Variants in NALCN observed in about 807,000 individuals in gnomAD.
The protein encoded by NALCN is sodium leak channel NALCN.
Under a neutral mutation model 225.3 loss-of-function variants are expected in NALCN, and 111 were observed. The observed-to-expected ratio is 0.49, with a 90% CI of 0.42 to 0.58. The LOEUF is 0.58. Ranked by LOEUF, NALCN falls within the 20% of genes least tolerant of loss-of-function variation. The pLI is 0.00. For missense variants in NALCN, 1,378 were observed against 2,202.4 expected, an observed-to-expected ratio of 0.63 and a Z score of 7.49; for synonymous variants, 764 against 769.0, an observed-to-expected ratio of 0.99 and a Z score of 0.11.
At position 101,087,479 on chromosome 13, in the gene NALCN, T is replaced by C; in HGVS notation, c.3489+2184A>G. Among the ~76,000 whole-genome samples the C allele has an allele frequency of 2.1e-5, 3 of 142,884 alleles. No homozygotes were observed. The South Asian group carries it at 6.6e-4, about 31-fold the overall frequency. The allele number at this position is 142,884 out of a possible 152,430, so 93.7% of individuals were successfully genotyped here. A position where few individuals can be genotyped will look rare whatever the true frequency, so the allele number is the denominator to read the frequency against. ...AGATGGCAGCTCATGAGCTGCTTTC[T>C]AAAAAAAAAAAAAAACTTGCAGAGA... is the stretch of plus-strand genomic sequence containing the variant. On this transcript the variant is annotated intron_variant, in intron 30 of 43. Transcript: ENST00000251127.
chr13:101,337,791 G>A (rs1355975503), intron 7 of NALCN, among the ~76,000 whole-genome samples: 5 of 152,188 alleles, frequency 3.3e-5, no homozygotes, highest in Non-Finnish European at 7.3e-5. Context: ...GTTACTCATG[G>A]CTGGCTACTC....
intron 14 of NALCN, among the ~76,000 whole-genome samples, chr13:101,183,907 T>C (rs1163795281): frequency 6.6e-6 from 1 of 152,174 alleles, no homozygotes; most frequent in Admixed American, 6.5e-5. Context: ...CAGTGGTGTT[T>C]AGTTTGTACA....
chr13:101,058,423 GGGGCAGT>G, intron 42 of NALCN: 1 of 190,530 alleles, frequency 5.2e-6, no homozygotes, highest in African/African-American at 2.4e-5. Context: ...GGGCTGGGCG[GGGGCAGT>G]CTACTGTCAC....
intron 13 of NALCN, among the ~76,000 whole-genome samples, chr13:101,224,823 C>T (rs1402453135): frequency 6.6e-6 from 1 of 152,154 alleles, no homozygotes; most frequent in East Asian, 1.9e-4. Flanking sequence ...ACACACCCCC[C>T]TTTTACAACA....
At chr13:101,108,373 T>C (rs2035254968) in intron 20 of NALCN, among the ~76,000 whole-genome samples, 1 of 152,104 alleles carries the variant, frequency 6.6e-6, no homozygotes, top group Non-Finnish European at 1.5e-5. Context: ...ACATCCTTAT[T>C]CTCATAGGAT....
rs1246022397 is a variant in NALCN at position 101,254,317 on chromosome 13, GA to G, written c.1266+4125del. 9.5e-5 allele frequency among the ~76,000 whole-genome samples: 14 copies of G among 146,720 alleles called. No homozygotes were observed. The Admixed American group carries it at 9.7e-4, about 10-fold the overall frequency. ...GAACTTGGGAGGCAGAGGTTGCAGG[GA>G]GCCGAGATGGTGCCACTGCACTCTA... On this transcript the variant is annotated intron_variant, in intron 11 of 43. Coordinates refer to ENST00000251127, the MANE Select transcript of NALCN (RefSeq NM_052867.4).
intron 7 of NALCN, among the ~76,000 whole-genome samples, chr13:101,340,269 A>G (rs1309619513): frequency 6.7e-6 from 1 of 149,426 alleles, no homozygotes; most frequent in Non-Finnish European, 1.5e-5. Flanking sequence ...CTCCATCTCA[A>G]ACAAACAAAC....
At chr13:101,164,899 T>C (rs2038365855) in intron 15 of NALCN, among the ~76,000 whole-genome samples, 1 of 152,180 alleles carries the variant, frequency 6.6e-6, no homozygotes, top group African/African-American at 2.4e-5. Flanking sequence ...AAAAGAGTCA[T>C]CTCTGACCAA....
rs536308548 is a variant in NALCN, at chr13:101,371,456, T to C, written c.644+5244A>G. ...ACCTCAGTCTCCCAAAGTGCTGAGA[T>C]TACAGGTGTGTGCCACTGTACCCAG... On this transcript the variant is annotated intron_variant, in intron 6 of 43. Coordinates refer to ENST00000251127, the MANE Select transcript of NALCN (RefSeq NM_052867.4). Among the ~76,000 whole-genome samples, 4 of 152,306 alleles carry C rather than the reference T, an allele frequency of 2.6e-5. No homozygotes were observed. The East Asian group carries it at 7.7e-4, about 29-fold the overall frequency.
chr13:101,146,304 A>G (rs1455014027), intron 15 of NALCN, among the ~76,000 whole-genome samples: 2 of 152,234 alleles, frequency 1.3e-5, no homozygotes. Flanking sequence ...AGAAGGAGTC[A>G]CTGCTGTTCG....
intron 13 of NALCN, among the ~76,000 whole-genome samples, chr13:101,202,539 A>G (rs1004625035): frequency 2.6e-5 from 4 of 152,120 alleles, no homozygotes; most frequent in African/African-American, 9.7e-5. Context: ...CAGTTCTTCA[A>G]ATTCCATCTC....
chr13:101,400,592 C>CGT (rs1566655219), intron 1 of NALCN, among the ~76,000 whole-genome samples: 1 of 140,494 alleles, frequency 7.1e-6, no homozygotes, highest in East Asian at 2.0e-4. Flanking sequence ...CACGTGTGTG[C>CGT]GCGCGCACAC....
chr13:101,285,130 G>A (rs116928313), intron 9 of NALCN, among the ~76,000 whole-genome samples: 2,649 of 152,166 alleles, frequency 0.017, 40 homozygotes, highest in Non-Finnish European at 0.026. Flanking sequence ...ATGGAAATAC[G>A]AATGAGATGA....
chr13:101,082,738 C>T, intron 33 of NALCN, 71 bp downstream of exon 33: 2 of 1,507,512 alleles, frequency 1.3e-6, no homozygotes, highest in East Asian at 4.5e-5. Flanking sequence ...TAAGTGGCAT[C>T]AAAGAGGGAG....
chr13:101,068,802 T>A lies in NALCN; in HGVS notation c.4223A>T (p.Asp1408Val). Reference sequence around the variant, plus strand: ...GTCTGTTGCCCAGTATGTAAATTCATCTGGAGTACAAAACGGAGGCTGAAC... The same window carrying A: ...GTCTGTTGCCCAGTATGTAAATTCAACTGGAGTACAAAACGGAGGCTGAAC... ...CMVQPPFCTP[D>V]EFTYWATDCG... The change falls in exon 38 of 44, where the codon GAT becomes GTT. Residue 1408 changes from aspartate to valine, a missense_variant. Physicochemically the swap from Asp to Val is radical, Grantham distance 152. Transcript: ENST00000251127. 1 of 1,611,412 alleles carries A rather than the reference T, an allele frequency of 6.2e-7. No individual in the cohort carries two copies. The highest frequency in any genetic ancestry group is 8.5e-7 in the Non-Finnish European group (1 of 1,178,974).
intron 13 of NALCN, among the ~76,000 whole-genome samples, chr13:101,227,582 A>G (rs1007946745): frequency 2.0e-5 from 3 of 152,088 alleles, no homozygotes; most frequent in East Asian, 3.9e-4. Context: ...TAAAAATGCT[A>G]TGTAAATTGC....
Position 101,362,062 on chromosome 13 carries a change from A to G in NALCN, c.644+14638T>C, listed in dbSNP as rs1257423194. Among the ~76,000 whole-genome samples, 3 of 151,948 alleles carry G rather than the reference A, an allele frequency of 2.0e-5. No homozygotes were observed. In the East Asian group the frequency reaches 5.8e-4, roughly 29 times the overall value. On this transcript the variant is annotated intron_variant, in intron 6 of 43. Coordinates refer to ENST00000251127, the MANE Select transcript of NALCN (RefSeq NM_052867.4). ...GTTTCTGGCACCTCAGGTGGTTCACATCTTGGAGATCAATGTGCAGAACAA... is the reference window on the plus strand; with the variant it reads ...GTTTCTGGCACCTCAGGTGGTTCACGTCTTGGAGATCAATGTGCAGAACAA...
At chr13:101,137,791 A>G (rs1053950659) in intron 17 of NALCN, among the ~76,000 whole-genome samples, 1 of 152,222 alleles carries the variant, frequency 6.6e-6, no homozygotes, top group Non-Finnish European at 1.5e-5. Flanking sequence ...GTCTGACTTC[A>G]TGGTACAGTT....
At chr13:101,087,523 G>A (rs553114312) in intron 30 of NALCN, among the ~76,000 whole-genome samples, 1 of 151,208 alleles carries the variant, frequency 6.6e-6, no homozygotes, top group South Asian at 2.1e-4. Context: ...TTTCTAAAAG[G>A]CTCACATAAT....
Sources: gnomAD v4.1 joint callset for allele counts (sites outside exome capture counted in the v4.1 genomes callset) on GRCh38, gnomAD v4.1.1 for gene constraint, MANE v1.5 for transcripts, NCBI Gene and HGNC (gene_info 2026-07-23, HGNC 2026-07-21) for gene names.